COLEC12: variants seen among roughly 807,000 people sequenced by gnomAD.
The protein encoded by COLEC12 is collectin subfamily member 12.
COLEC12 carries 33 observed loss-of-function variants against 71.1 expected under a neutral mutation model. That is an observed-to-expected ratio of 0.46 (90% CI 0.35 to 0.62). The LOEUF is 0.62. COLEC12 is among the 20% of genes least tolerant of loss of function. COLEC12 has a pLI of 0.00. For synonymous variants in COLEC12, 350 were observed against 353.0 expected, an observed-to-expected ratio of 0.99 and a Z score of 0.10; for missense variants, 765 against 916.1, an observed-to-expected ratio of 0.84 and a Z score of 2.13.
At chr18:369,347 A>G (rs1197830284) in intron 2 of COLEC12, among the ~76,000 whole-genome samples, 4 of 151,850 alleles carry the variant, frequency 2.6e-5, no homozygotes, top group Non-Finnish European at 5.9e-5. Flanking sequence ...CTTGGACATG[A>G]AGCATCGTTC....
rs976051234 is a variant in COLEC12, at chr18:429,631, G to A, written c.58+51076C>T. On this transcript the variant is annotated intron_variant, in intron 2 of 9. Transcript: ENST00000400256. ...TGCTGACCTCAAGCGAACCGCCCCC[G>A]TCAACCTCCCAAAGTTCTGGGATTA... 5.3e-5 allele frequency among the ~76,000 whole-genome samples: 8 copies of A among 151,974 alleles called. No individual in the cohort carries two copies. The South Asian group carries it at 6.2e-4, about 12-fold the overall frequency.
intron 8 of COLEC12, among the ~76,000 whole-genome samples, chr18:328,004 T>G (rs1436923929): frequency 1.3e-5 from 2 of 152,262 alleles, no homozygotes; most frequent in African/African-American, 2.4e-5. Context: ...CTTCCTTTTT[T>G]TTTCCTCGTT....
rs2143403187 is a variant in COLEC12, at chr18:322,028, T to C, written c.2064-221A>G. The stretch of plus-strand genomic sequence containing the variant: ...CATCTCCCTGCGCGCTTGTGATCTT[T>C]GCTACCATGAACCAAACTCACTAGG... On this transcript the variant is annotated intron_variant, in intron 8 of 9. Coordinates refer to ENST00000400256, the MANE Select transcript of COLEC12 (RefSeq NM_130386.3). Among the ~76,000 whole-genome samples the C allele has an allele frequency of 2.6e-5, 4 of 152,376 alleles. 1 individual carries two copies. The Middle Eastern group carries it at 0.014, about 518-fold the overall frequency.
Position 500,579 on chromosome 18 carries a change from C to A in COLEC12, c.-65G>T, listed in dbSNP as rs1319390982. ...GCGAGCGCCGCGCAGCCGAGGAAGT[C>A]GTCCCGAGCGGCTGCTCACCGCACG... On this transcript the variant is annotated 5_prime_UTR_variant, in exon 1 of 10. Transcript: ENST00000400256. This position sits in a 1 kb window ranked among gnomAD's most constrained non-coding sequence, Gnocchi z 5.3. 1 of 1,201,430 alleles carries A rather than the reference C, an allele frequency of 8.3e-7. No individual in the cohort carries two copies. The highest frequency in any genetic ancestry group is 3.4e-5 in the East Asian group (1 of 29,546). The allele number at this position is 1,201,430 out of a possible 1,614,324, so 74.4% of individuals were successfully genotyped here.
chr18:319,859 ACATTTTAGTTCCCAAGT>A lies in COLEC12; in HGVS notation c.*169_*185del, dbSNP rs1398619454. On this transcript the variant is annotated 3_prime_UTR_variant, in exon 10 of 10. Coordinates refer to ENST00000400256, the MANE Select transcript of COLEC12 (RefSeq NM_130386.3). ...GAAAATCAGCATATCACCCTGGGGA[ACATTTTAGTTCCCAAGT>A]CTTTGGGTAATGACGGATGGTAAAA... The A allele has an allele frequency of 1.7e-6, 1 of 603,884 alleles. No homozygotes were observed. The highest frequency in any genetic ancestry group is 2.9e-6 in the Non-Finnish European group (1 of 341,028). The allele number at this position is 603,884 out of a possible 1,614,324, so 37.4% of individuals were successfully genotyped here. A position where few individuals can be genotyped will look rare whatever the true frequency, so the allele number is the denominator to read the frequency against.
intron 2 of COLEC12, among the ~76,000 whole-genome samples, chr18:457,019 A>G (rs538249931): frequency 3.3e-5 from 5 of 152,262 alleles, no homozygotes; most frequent in African/African-American, 1.2e-4. Context: ...TTTTCACGGC[A>G]TTTTGTTAGG....
At chr18:352,353 GGAAGCCAAAGAAACC>G (rs1914540920) in intron 3 of COLEC12, among the ~76,000 whole-genome samples, 1 of 151,970 alleles carries the variant, frequency 6.6e-6, no homozygotes, top group Non-Finnish European at 1.5e-5. Flanking sequence ...CTTCTTTCCT[GGAAGCCAAAGAAACC>G]TTCAAATATG....
At chr18:416,523 A>G (rs1441822944) in intron 2 of COLEC12, among the ~76,000 whole-genome samples, 2 of 152,222 alleles carry the variant, frequency 1.3e-5, no homozygotes, top group Non-Finnish European at 2.9e-5. Flanking sequence ...GAGGAATTCC[A>G]TGACTCATTG....
chr18:430,109 A>T (rs1389553834), intron 2 of COLEC12, among the ~76,000 whole-genome samples: 1 of 152,054 alleles, frequency 6.6e-6, no homozygotes, highest in Non-Finnish European at 1.5e-5. Flanking sequence ...GCACTTTGAG[A>T]GGCAGATAGC....
chr18:404,759 C>T (rs1915753256), intron 2 of COLEC12, among the ~76,000 whole-genome samples: 1 of 152,092 alleles, frequency 6.6e-6, no homozygotes, highest in African/African-American at 2.4e-5. Flanking sequence ...GTTAACTGTA[C>T]AAATTGATTG....
chr18:402,147 T>C (rs1468746645), intron 2 of COLEC12, among the ~76,000 whole-genome samples: 1 of 152,068 alleles, frequency 6.6e-6, no homozygotes, highest in Non-Finnish European at 1.5e-5. Flanking sequence ...TTTTGTGAAA[T>C]GAAAGTTCAC....
At chr18:414,487 A>G (rs1598355864) in intron 2 of COLEC12, among the ~76,000 whole-genome samples, 1 of 152,234 alleles carries the variant, frequency 6.6e-6, no homozygotes, top group East Asian at 1.9e-4. Flanking sequence ...AATCCTAGCT[A>G]CTTGGGAGGC....
chr18:473,542 T>C lies in COLEC12; in HGVS notation c.58+7165A>G, dbSNP rs1480259105. Among the ~76,000 whole-genome samples the C allele has an allele frequency of 2.6e-5, 4 of 152,088 alleles. No homozygotes were observed. The East Asian group carries it at 7.7e-4, about 29-fold the overall frequency. Reference sequence around the variant, plus strand: ...CAGCGCTCAGCTAATTTTGTATTTTTAGTAGAGACAGGGTTTCTCCACATT... The same window carrying C: ...CAGCGCTCAGCTAATTTTGTATTTTCAGTAGAGACAGGGTTTCTCCACATT... On this transcript the variant is annotated intron_variant, in intron 2 of 9. Coordinates refer to ENST00000400256, the MANE Select transcript of COLEC12 (RefSeq NM_130386.3).
intron 1 of COLEC12, among the ~76,000 whole-genome samples, chr18:494,090 T>C (rs1917666892): frequency 6.6e-6 from 1 of 152,188 alleles, no homozygotes; most frequent in Non-Finnish European, 1.5e-5. Context: ...ATTACTACAA[T>C]TACAAACTTC....
chr18:460,524 C>A (rs990193511), intron 2 of COLEC12, among the ~76,000 whole-genome samples: 1 of 152,154 alleles, frequency 6.6e-6, no homozygotes, highest in African/African-American at 2.4e-5. Context: ...CTAGTAGTAA[C>A]CTCATGTCCA....
chr18:394,025 G>A (rs2143596710), intron 2 of COLEC12, among the ~76,000 whole-genome samples: 1 of 152,316 alleles, frequency 6.6e-6, no homozygotes, highest in Admixed American at 6.5e-5. Context: ...GTCTGTCTTA[G>A]AGAAGACCCC....
rs1443149675 is a variant in COLEC12 at position 319,219 on chromosome 18, C to T, written c.*826G>A. 3.3e-5 allele frequency: 5 copies of T among 151,792 alleles called. No homozygotes were observed. The South Asian group carries it at 1.0e-3, about 32-fold the overall frequency. 9.4% of individuals were successfully genotyped at this position (151,792 alleles called of 1,614,324 possible). Reference sequence around the variant, plus strand: ...TGATGGGCTCAAGGCAGGCACAGCCCGCTTCACTGTGCATGTGTGCAGGCT... The same window carrying T: ...TGATGGGCTCAAGGCAGGCACAGCCTGCTTCACTGTGCATGTGTGCAGGCT... On this transcript the variant is annotated 3_prime_UTR_variant, in exon 10 of 10. Coordinates refer to ENST00000400256, the MANE Select transcript of COLEC12 (RefSeq NM_130386.3).
intron 2 of COLEC12, among the ~76,000 whole-genome samples, chr18:464,230 G>T (rs1483747885): frequency 5.3e-5 from 8 of 152,106 alleles, no homozygotes; most frequent in African/African-American, 1.9e-4. Context: ...TCTTAACTTG[G>T]CTGTAGCAAC....
chr18:435,940 T>G (rs971698202), intron 2 of COLEC12, among the ~76,000 whole-genome samples: 1 of 152,208 alleles, frequency 6.6e-6, no homozygotes, highest in African/African-American at 2.4e-5. Flanking sequence ...CAGTCAGGTA[T>G]CCTTAATAAC....
Sources: allele counts gnomAD v4.1 joint callset (sites outside exome capture counted in the v4.1 genomes callset), GRCh38; gene constraint gnomAD v4.1.1; non-coding constraint Gnocchi (gnomAD v3.1); transcripts MANE v1.5; gene names NCBI Gene and HGNC (gene_info 2026-07-23, HGNC 2026-07-21).